FAM184B: variants seen among roughly 807,000 people sequenced by gnomAD.
FAM184B encodes the protein family with sequence similarity 184 member B.
A neutral mutation model predicts 135.9 loss-of-function variants in FAM184B; 111 were observed. The observed-to-expected ratio is 0.82, with a 90% CI of 0.70 to 0.96. The LOEUF (loss-of-function observed/expected upper bound fraction) is 0.96, where lower values mean the gene tolerates loss of function less well. Ranked by LOEUF, FAM184B falls within the 40% of genes least tolerant of loss-of-function variation. The pLI, the probability that FAM184B is intolerant of heterozygous loss-of-function variation, is 0.00. For synonymous variants in FAM184B, 552 were observed against 524.8 expected, an observed-to-expected ratio of 1.05 and a Z score of -0.71; for missense variants, 1,375 against 1,323.9, an observed-to-expected ratio of 1.04 and a Z score of -0.60.
intron 1 of FAM184B, among the ~76,000 whole-genome samples, chr4:17,752,841 TGTTAA>T (rs1366026087): frequency 6.6e-6 from 1 of 152,244 alleles, no homozygotes. Context: ...TAGCTGCATT[TGTTAA>T]AATTAGCAGA....
intron 1 of FAM184B, among the ~76,000 whole-genome samples, chr4:17,772,943 C>G (rs1386162213): frequency 6.6e-6 from 1 of 152,184 alleles, no homozygotes. Context: ...TAGGCCCAGT[C>G]CCTGCTCCAA....
intron 17 of FAM184B, 51 bp from the exon 18 acceptor site, chr4:17,632,676 G>A: frequency 8.2e-7 from 1 of 1,213,152 alleles, no homozygotes; most frequent in Non-Finnish European, 1.2e-6. Flanking sequence ...TATGCAAGAA[G>A]CAGCTTAATA....
chr4:17,641,725 C>T (rs1453022461), intron 13 of FAM184B, among the ~76,000 whole-genome samples: 1 of 134,404 alleles, frequency 7.4e-6, no homozygotes, highest in African/African-American at 2.8e-5. Context: ...GTCTCGAATT[C>T]CTGACCTCGT....
In FAM184B at chr4:17,633,815, A is replaced by G. The variant is rs1166185776; in HGVS notation, c.2963T>C (p.Leu988Pro). The G allele has an allele frequency of 6.4e-7, 1 of 1,551,636 alleles. No homozygotes were observed. The highest frequency in any genetic ancestry group is 2.0e-5 in the Admixed American group (1 of 50,996). Residue 988 changes from leucine (L) to proline (P), a missense_variant, in exon 17 of 18, where the codon CTG becomes CCG. Transcript: ENST00000265018. Reference protein sequence around the residue: ...PNLASYAKNFLSGDLSSRINA... With the variant: ...PNLASYAKNFPSGDLSSRINA... ...AATCCTGGAACTCAGATCGCCACTC[A>G]GAAAGTTCTTTGCATAGGAGGCGAG...
At chr4:17,728,054 G>A (rs553552423) in intron 1 of FAM184B, among the ~76,000 whole-genome samples, 1 of 152,074 alleles carries the variant, frequency 6.6e-6, no homozygotes, top group Non-Finnish European at 1.5e-5. Flanking sequence ...GAGGTGGGAG[G>A]ATCACTTAAA....
intron 7 of FAM184B, among the ~76,000 whole-genome samples, chr4:17,675,665 A>C (rs2108949889): frequency 6.6e-6 from 1 of 152,310 alleles, no homozygotes; most frequent in South Asian, 2.1e-4. Context: ...TCTGTTGTTT[A>C]AGTTAGCCGT....
rs531013554 is a variant in FAM184B, at chr4:17,709,244, G to C, written c.542C>G (p.Pro181Arg). 1 of 1,546,884 alleles carries C rather than the reference G, an allele frequency of 6.5e-7. No individual in the cohort carries two copies. Among genetic ancestry groups the C allele is most frequent in the East Asian group, 2.4e-5 (1 of 40,844 alleles). ...CTGGCCTGGCTCCGACTTGGTTTCA[G>C]GGCTCTCCTGGGGCAGCCGGCCCTG... ...TPQGRLPQES[P>R]ETKSEPGQGP... is the part of the protein sequence containing the mutation. Residue 181 changes from proline to arginine, a missense_variant, in exon 2 of 18, where the codon CCT becomes CGT. Physicochemically the swap from Pro to Arg is moderately radical, Grantham distance 103 (BLOSUM62 -2). Coordinates refer to ENST00000265018, the MANE Select transcript of FAM184B (RefSeq NM_015688.2).
intron 1 of FAM184B, among the ~76,000 whole-genome samples, chr4:17,742,168 A>ATATATTTTTTTTTTTT (rs1459958150): frequency 9.1e-6 from 1 of 109,310 alleles, no homozygotes; most frequent in African/African-American, 4.8e-5. Context: ...ATATATATAT[A>ATATATTTTTTTTTTTT]TTTTTTTTTT....
At chr4:17,664,487 A>G in intron 8 of FAM184B, 75 bp downstream of exon 8, 1 of 1,164,698 alleles carries the variant, frequency 8.6e-7, no homozygotes. Flanking sequence ...GGATAGAATG[A>G]ATGAATGGAT....
intron 1 of FAM184B, among the ~76,000 whole-genome samples, chr4:17,711,555 TG>T (rs1717272669): frequency 1.3e-5 from 2 of 151,986 alleles, no homozygotes; most frequent in South Asian, 4.1e-4. Context: ...CTCAGTTACT[TG>T]GGAGGCTGAG....
rs1300226985 is a variant in FAM184B, at chr4:17,641,994, A to AG, written c.2519+61dup. 433 of 933,646 alleles carry AG rather than the reference A, an allele frequency of 4.6e-4. 4 individuals are homozygous for AG. In the African/African-American group the frequency reaches 0.018, roughly 39 times the overall value. 57.8% of individuals were successfully genotyped at this position (933,646 alleles called of 1,614,324 possible). A position where few individuals can be genotyped will look rare whatever the true frequency, so the allele number is the denominator to read the frequency against. Reference sequence around the variant, plus strand: ...AGGCTCAGCCAGCCGCAGTAGGGGGAGGGGGGGTGGCGGGGTAGGGGGTGA... The same window carrying AG: ...AGGCTCAGCCAGCCGCAGTAGGGGGAGGGGGGGGTGGCGGGGTAGGGGGTGA... On this transcript the variant is annotated intron_variant, in intron 13 of 17. Transcript: ENST00000265018.
chr4:17,635,675 TAA>T lies in FAM184B; in HGVS notation c.2785-564_2785-563del, dbSNP rs5856436. The stretch of plus-strand genomic sequence containing the variant: ...TATTTCTTAGAAATAAGGATTACTT[TAA>T]AAAAAAAAAAACCCATGATACCTTT... On this transcript the variant is annotated intron_variant, in intron 15 of 17. Coordinates refer to ENST00000265018, the MANE Select transcript of FAM184B (RefSeq NM_015688.2). Among the ~76,000 whole-genome samples, 46 of 147,908 alleles carry T rather than the reference TAA, an allele frequency of 3.1e-4. 1 individual carries two copies. Among genetic ancestry groups the T allele is most frequent in the African/African-American group, 1.0e-3 (41 of 40,576 alleles).
At chr4:17,709,772 G>A (rs1163955735) in intron 1 of FAM184B, 128 bp from the exon 2 acceptor site, 7 of 834,268 alleles carry the variant, frequency 8.4e-6, no homozygotes, top group Non-Finnish European at 1.0e-5. Flanking sequence ...GAGGATTTGC[G>A]TGCAGGGGAT....
rs34424676 is a variant in FAM184B at position 17,664,680 on chromosome 4, GAA to G, written c.1597-23_1597-22del. 6.9e-3 allele frequency: 7,326 copies of G among 1,063,060 alleles called. 109 individuals are homozygous for G. In the African/African-American group the frequency reaches 0.079, roughly 12 times the overall value. The allele number at this position is 1,063,060 out of a possible 1,614,324, so 65.9% of individuals were successfully genotyped here. On this transcript the variant is annotated intron_variant, in intron 7 of 17. Coordinates refer to ENST00000265018, the MANE Select transcript of FAM184B (RefSeq NM_015688.2). ...GGATCCTAAGGCCAAAAAAGAAAAA[GAA>G]AAAAAAAAAAAAGGCAAGATGAGCT...
intron 1 of FAM184B, among the ~76,000 whole-genome samples, chr4:17,760,231 C>T (rs779433188): frequency 8.6e-5 from 13 of 152,012 alleles, no homozygotes; most frequent in East Asian, 1.9e-4. Flanking sequence ...TTTGGGAGGC[C>T]GAGGTGGGCA....
At chr4:17,649,885 C>CATCCATCCATCCACCT (rs368626494) in intron 11 of FAM184B, among the ~76,000 whole-genome samples, 8 of 150,908 alleles carry the variant, frequency 5.3e-5, no homozygotes, top group African/African-American at 2.0e-4. Flanking sequence ...TCCATCCACC[C>CATCCATCCATCCACCT]ATCTATCTGT....
chr4:17,664,660 C>T lies in FAM184B; in HGVS notation c.1597-1G>A, dbSNP rs941108344. 8 of 1,524,750 alleles carry T rather than the reference C, an allele frequency of 5.2e-6. No homozygotes were observed. The highest frequency in any genetic ancestry group is 5.3e-6 in the Non-Finnish European group (6 of 1,136,440). The allele number at this position is 1,524,750 out of a possible 1,614,324, so 94.5% of individuals were successfully genotyped here. A position where few individuals can be genotyped will look rare whatever the true frequency, so the allele number is the denominator to read the frequency against. ...TTTCATCCAGCTTCAAGCATGGATC[C>T]TAAGGCCAAAAAAGAAAAAGAAAAA... is the stretch of plus-strand genomic sequence containing the variant. On this transcript the variant is annotated splice_acceptor_variant, in intron 7 of 17. Coordinates refer to ENST00000265018, the MANE Select transcript of FAM184B (RefSeq NM_015688.2). LOFTEE classifies it high-confidence loss of function.
In FAM184B at chr4:17,779,995, C is replaced by T. The variant is rs78615496; in HGVS notation, c.141+1164G>A. 3.2e-3 allele frequency among the ~76,000 whole-genome samples: 482 copies of T among 152,222 alleles called. 4 individuals are homozygous for T. Among genetic ancestry groups the T allele is most frequent in the African/African-American group, 0.011 (442 of 41,522 alleles). On this transcript the variant is annotated intron_variant, in intron 1 of 17. Transcript: ENST00000265018. ...TAGTACCAGCTATACATGTCAAGAA[C>T]GCTAAGGGCTATCTCCAGTCTCTTT...
At chr4:17,710,404 T>A (rs1157383037) in intron 1 of FAM184B, among the ~76,000 whole-genome samples, 1 of 152,106 alleles carries the variant, frequency 6.6e-6, no homozygotes, top group Non-Finnish European at 1.5e-5. Context: ...GAAAATCAGC[T>A]AATGTAATAC....
Sources: allele counts gnomAD v4.1 joint callset (sites outside exome capture counted in the v4.1 genomes callset), GRCh38; gene constraint gnomAD v4.1.1; transcripts MANE v1.5; gene names NCBI Gene and HGNC (gene_info 2026-07-23, HGNC 2026-07-21).